The following GRID2 variants were observed in gnomAD, a reference collection of about 807,000 sequenced individuals.
GRID2 encodes glutamate ionotropic receptor delta type subunit 2, also known as glutamate receptor ionotropic, delta-2.
A neutral mutation model predicts 114.8 loss-of-function variants in GRID2; 33 were observed. The observed-to-expected ratio is 0.29, with a 90% confidence interval of 0.22 to 0.38. GRID2 has a LOEUF of 0.38. Among genes scored for constraint, GRID2 ranks in the 10% least tolerant of loss-of-function variants. The probability of loss-of-function intolerance (pLI) is 1.00; values close to 1 mark genes in which losing one functional copy is unlikely to be tolerated. For synonymous variants in GRID2, 505 were observed against 449.9 expected (o/e 1.12, Z -1.55); for missense variants, 1,184 against 1,257.7 (o/e 0.94, Z 0.89).
At chr4:93,276,851 CTT>C (rs1236713302) in intron 8 of GRID2, among the ~76,000 whole-genome samples, 1 of 151,772 alleles carries the variant, frequency 6.6e-6, no homozygotes, top group Non-Finnish European at 1.5e-5. Context: ...GCTAGTAAAA[CTT>C]TTACTCCTAA....
chr4:93,147,312 A>T (rs1365751752), intron 4 of GRID2, among the ~76,000 whole-genome samples: 1 of 152,168 alleles, frequency 6.6e-6, no homozygotes, highest in Admixed American at 6.5e-5. Flanking sequence ...TTGTAGTCTT[A>T]ATGCCTACCA....
At chr4:93,428,207 G>A (rs927872825) in intron 10 of GRID2, among the ~76,000 whole-genome samples, 1 of 151,974 alleles carries the variant, frequency 6.6e-6, no homozygotes, top group Non-Finnish European at 1.5e-5. Flanking sequence ...ATTTCAAGGT[G>A]TTGAGTGACA....
In GRID2 at chr4:93,124,529, T is replaced by C. The variant is rs184528205; in HGVS notation, c.735+13576T>C. On this transcript the variant is annotated intron_variant, in intron 4 of 15. Coordinates refer to ENST00000282020, the MANE Select transcript of GRID2 (RefSeq NM_001510.4). Reference sequence around the variant, plus strand: ...TCTGCCCTGCTGTACTGAGCAGCTATAGCAAATGGATCTTAGTTAGCACTG... The same window carrying C: ...TCTGCCCTGCTGTACTGAGCAGCTACAGCAAATGGATCTTAGTTAGCACTG... 1.2e-3 allele frequency among the ~76,000 whole-genome samples: 180 copies of C among 152,332 alleles called. 1 individual carries two copies. The highest frequency in any genetic ancestry group is 4.2e-3 in the African/African-American group (174 of 41,578).
chr4:93,069,152 A>T (rs1439454503), intron 2 of GRID2, among the ~76,000 whole-genome samples: 2 of 151,858 alleles, frequency 1.3e-5, no homozygotes, highest in Non-Finnish European at 2.9e-5. Flanking sequence ...CTCACAAGAC[A>T]CCACCTCCAA....
chr4:92,640,479 A>T (rs1014773824), intron 2 of GRID2, among the ~76,000 whole-genome samples: 1 of 151,952 alleles, frequency 6.6e-6, no homozygotes, highest in Non-Finnish European at 1.5e-5. Context: ...GTCAAACAGA[A>T]ATGTAACACT....
chr4:93,520,914 G>A (rs1257066113), intron 13 of GRID2, among the ~76,000 whole-genome samples: 1 of 152,152 alleles, frequency 6.6e-6, no homozygotes, highest in Non-Finnish European at 1.5e-5. Flanking sequence ...ATGCTGTGTG[G>A]AGACCAGGGG....
chr4:92,853,325 ATGTT>A (rs1315164720), intron 2 of GRID2, among the ~76,000 whole-genome samples: 2 of 152,198 alleles, frequency 1.3e-5, no homozygotes, highest in African/African-American at 4.8e-5. Flanking sequence ...AACACAATAA[ATGTT>A]TGATAAATTT....
At chr4:92,937,534 C>T (rs1254575920) in intron 2 of GRID2, among the ~76,000 whole-genome samples, 2 of 146,220 alleles carry the variant, frequency 1.4e-5, no homozygotes, top group Non-Finnish European at 3.0e-5. Flanking sequence ...TCCAATTGAT[C>T]AGTATGTTTA....
At chr4:93,749,335 A>T (rs982947588) in intron 14 of GRID2, among the ~76,000 whole-genome samples, 2 of 152,232 alleles carry the variant, frequency 1.3e-5, no homozygotes, top group African/African-American at 4.8e-5. Flanking sequence ...TAGGGAAATG[A>T]TTGTTTACAA....
chr4:93,533,458 C>T (rs1731708753), intron 13 of GRID2, among the ~76,000 whole-genome samples: 1 of 150,514 alleles, frequency 6.6e-6, no homozygotes, highest in African/African-American at 2.4e-5. Flanking sequence ...ACTGCAACCT[C>T]TGCCTCCTGA....
At chr4:92,962,565 C>A (rs1332603572) in intron 2 of GRID2, among the ~76,000 whole-genome samples, 1 of 151,934 alleles carries the variant, frequency 6.6e-6, no homozygotes, top group Non-Finnish European at 1.5e-5. Context: ...AGGTTAGGTT[C>A]AAGTTAAACA....
At chr4:93,045,000 T>C (rs554333983) in intron 2 of GRID2, among the ~76,000 whole-genome samples, 2 of 152,198 alleles carry the variant, frequency 1.3e-5, no homozygotes, top group East Asian at 3.9e-4. Context: ...CACTCCCTTA[T>C]AGTTATCAAG....
chr4:92,555,723 T>G (rs1726817833), intron 1 of GRID2, among the ~76,000 whole-genome samples: 1 of 152,194 alleles, frequency 6.6e-6, no homozygotes, highest in African/African-American at 2.4e-5. Context: ...CCAAGCCATG[T>G]TGAGGATGGA....
chr4:93,347,202 T>G (rs1402157237), intron 8 of GRID2, among the ~76,000 whole-genome samples: 1 of 152,034 alleles, frequency 6.6e-6, no homozygotes, highest in Non-Finnish European at 1.5e-5. Flanking sequence ...GTTGTACTAT[T>G]TCAGAATAAA....
At chr4:93,210,964 C>T (rs1743396685) in intron 5 of GRID2, among the ~76,000 whole-genome samples, 2 of 152,004 alleles carry the variant, frequency 1.3e-5, no homozygotes, top group African/African-American at 2.4e-5. Context: ...AGTCATTTTA[C>T]CTATTCATGT....
At chr4:92,387,223 A>T (rs893689224) in intron 1 of GRID2, among the ~76,000 whole-genome samples, 1 of 151,902 alleles carries the variant, frequency 6.6e-6, no homozygotes, top group Non-Finnish European at 1.5e-5. Flanking sequence ...AACACAGAAA[A>T]GGCAGAGAAA....
chr4:92,895,174 C>T (rs1003127846), intron 2 of GRID2, among the ~76,000 whole-genome samples: 8 of 151,568 alleles, frequency 5.3e-5, no homozygotes, highest in Non-Finnish European at 8.8e-5. Context: ...ACTATCTTAA[C>T]ATTAAAATGG....
At chr4:93,529,155 A>T (rs1021091639) in intron 13 of GRID2, among the ~76,000 whole-genome samples, 13 of 152,170 alleles carry the variant, frequency 8.5e-5, no homozygotes, top group African/African-American at 2.9e-4. Context: ...TGCTATTAAG[A>T]ATTGCCTAGT....
intron 2 of GRID2, among the ~76,000 whole-genome samples, chr4:92,721,207 TGAAG>T (rs1325724646): frequency 6.6e-6 from 1 of 151,996 alleles, no homozygotes; most frequent in Non-Finnish European, 1.5e-5. Context: ...TTTGGAAAGA[TGAAG>T]GAATAAGCTC....
Sources: gnomAD v4.1 joint callset for allele counts (sites outside exome capture counted in the v4.1 genomes callset) on GRCh38, gnomAD v4.1.1 for gene constraint, MANE v1.5 for transcripts, NCBI Gene and HGNC (gene_info 2026-07-23, HGNC 2026-07-21) for gene names.